The following ZNF596 variants were observed in gnomAD, a reference collection of about 807,000 sequenced individuals.
ZNF596 encodes zinc finger protein 596.
A neutral mutation model predicts 48.3 loss-of-function variants in ZNF596; 45 were observed. The observed-to-expected ratio is 0.93, with a 90% CI of 0.73 to 1.19. The LOEUF (loss-of-function observed/expected upper bound fraction) is 1.19. Among genes scored for constraint, ZNF596 ranks in the 50% most tolerant of loss-of-function variants. The pLI is 0.00. For missense variants in ZNF596, 848 were observed against 599.7 expected (o/e 1.41, Z -4.32); for synonymous variants, 270 against 202.0 (o/e 1.34, Z -2.85).
At chr8:242,518 G>A (rs373839301) in intron 2 of ZNF596, among the ~76,000 whole-genome samples, 15 of 152,054 alleles carry the variant, frequency 9.9e-5, no homozygotes, top group African/African-American at 3.6e-4. Context: ...TATGGATGCT[G>A]CCTCCCTTGT....
chr8:245,597 A>G lies in ZNF596; in HGVS notation c.750A>G (p.Pro250=), dbSNP rs753866528. 11 of 1,614,120 alleles carry G rather than the reference A, an allele frequency of 6.8e-6. No homozygotes were observed. In the South Asian group the frequency reaches 1.1e-4, roughly 16 times the overall value. ...KHERTHTGEK[P]YGCHLCGKAF... ...AGAGAACTCACACTGGAGAGAAGCC[A>G]TATGGATGTCATCTATGTGGGAAAG... The change falls in exon 6 of 6, where the codon CCA becomes CCG. Residue 250 remains proline, a synonymous_variant. Transcript: ENST00000398612.
rs1200934138 is a variant in ZNF596, at chr8:243,020, C to G, written c.139+7C>G. 2 of 1,605,176 alleles carry G rather than the reference C, an allele frequency of 1.2e-6. No homozygotes were observed. Among genetic ancestry groups the G allele is most frequent in the South Asian group, 1.1e-5 (1 of 90,216 alleles). On this transcript the variant is annotated splice_region_variant and intron_variant, in intron 3 of 5. Coordinates refer to ENST00000398612, the MANE Select transcript of ZNF596 (RefSeq NM_001042416.3). ...AGTCATCTGGTCTCTATTGGTGAGT[C>G]TCTTTATATTTATTATGTATGTATA...
chr8:241,750 C>T (rs539026840), intron 2 of ZNF596, among the ~76,000 whole-genome samples: 5 of 152,108 alleles, frequency 3.3e-5, no homozygotes, highest in Middle Eastern at 3.4e-3. Flanking sequence ...ATTTTCACAC[C>T]GCTATAAAAA....
At chr8:239,249 T>A (rs1433643933) in intron 1 of ZNF596, among the ~76,000 whole-genome samples, 1 of 152,124 alleles carries the variant, frequency 6.6e-6, no homozygotes, top group Non-Finnish European at 1.5e-5. Flanking sequence ...AGTGCAGTGG[T>A]TCGATCTCCG....
At chr8:241,696 C>A (rs1796859456) in intron 2 of ZNF596, among the ~76,000 whole-genome samples, 1 of 152,042 alleles carries the variant, frequency 6.6e-6, no homozygotes, top group Admixed American at 6.6e-5. Flanking sequence ...AATCTAGAGA[C>A]AACATGAAGA....
chr8:239,282 A>G (rs1477065818), intron 1 of ZNF596, among the ~76,000 whole-genome samples: 1 of 152,174 alleles, frequency 6.6e-6, no homozygotes, highest in African/African-American at 2.4e-5. Flanking sequence ...TCCACCTCCC[A>G]GGTTCAAGCG....
At chr8:233,104 G>C (rs961088045) in intron 1 of ZNF596, 7 of 468,470 alleles carry the variant, frequency 1.5e-5, no homozygotes, top group Non-Finnish European at 2.6e-5. Context: ...CAACGAGCGA[G>C]AAAAGGGGAG....
At chr8:234,850 G>C (rs946391224) in intron 1 of ZNF596, 2 of 152,204 alleles carry the variant, frequency 1.3e-5, no homozygotes, top group Non-Finnish European at 2.9e-5. Flanking sequence ...CATGGTGTCA[G>C]TGAGGCAAGT....
intron 1 of ZNF596, among the ~76,000 whole-genome samples, chr8:235,516 T>A (rs1796583691): frequency 6.6e-6 from 1 of 152,212 alleles, no homozygotes; most frequent in South Asian, 2.1e-4. Context: ...GACAACTCAT[T>A]GTTATTTCCA....
In ZNF596 at chr8:245,304, T is replaced by C. The variant is rs756611852; in HGVS notation, c.457T>C (p.Ser153Pro). 3.0e-5 allele frequency: 48 copies of C among 1,614,000 alleles called. No homozygotes were observed. The highest frequency in any genetic ancestry group is 3.8e-5 in the Non-Finnish European group (45 of 1,180,028). Reference sequence around the variant, plus strand: ...TGGGAAAATCTTCAGTGACTGGTTATCCTTTAATCAACACAAGGAAATTCA... The same window carrying C: ...TGGGAAAATCTTCAGTGACTGGTTACCCTTTAATCAACACAAGGAAATTCA... ...KFGKIFSDWL[S>P]FNQHKEIHTK... The change falls in exon 6 of 6, where the codon TCC becomes CCC. Residue 153 changes from serine to proline, a missense_variant. Coordinates refer to ENST00000398612, the MANE Select transcript of ZNF596 (RefSeq NM_001042416.3).
At chr8:232,774 G>C (rs896470514) in intron 1 of ZNF596, 80 bp downstream of exon 1, 3 of 428,386 alleles carry the variant, frequency 7.0e-6, no homozygotes, top group Non-Finnish European at 1.4e-5. Context: ...CCTGGGATTC[G>C]GCAGACGCCA....
rs746304311 is a variant in ZNF596, at chr8:245,476, T to C, written c.629T>C (p.Leu210Pro). The C allele has an allele frequency of 1.9e-6, 3 of 1,614,190 alleles. No homozygotes were observed. The highest frequency in any genetic ancestry group is 2.5e-6 in the Non-Finnish European group (3 of 1,180,026). Reference sequence around the variant, plus strand: ...AAAACCTTTAGCAAAAATTCTAATCTTAGGCGACATGAGATGATTCACACT... The same window carrying C: ...AAAACCTTTAGCAAAAATTCTAATCCTAGGCGACATGAGATGATTCACACT... ...CGKTFSKNSN[L>P]RRHEMIHTGE... The change falls in exon 6 of 6, where the codon CTT (leucine) becomes CCT (proline). Residue 210 changes from leucine (L) to proline (P), a missense_variant. Coordinates refer to ENST00000398612, the MANE Select transcript of ZNF596 (RefSeq NM_001042416.3).
intron 2 of ZNF596, among the ~76,000 whole-genome samples, 193 bp downstream of exon 2, chr8:241,100 A>C (rs1796836340): frequency 6.6e-6 from 1 of 152,322 alleles, no homozygotes; most frequent in South Asian, 2.1e-4. Flanking sequence ...ACAGTACACT[A>C]AGGCATTCCA....
rs1233114910 is a variant in ZNF596, at chr8:243,753, C to G, written c.171C>G (p.Ser57=). ...GKQLCKSVVL[S]QLEQVEKLST... ...AGCTCTGCAAATCAGTTGTGCTTTC[C>G]CAATTGGAGCAAGTAGAGAAACTTT... is the stretch of plus-strand genomic sequence containing the variant. The change falls in exon 4 of 6, where the codon TCC becomes TCG. Residue 57 remains serine (S), a synonymous_variant. Coordinates refer to ENST00000398612, the MANE Select transcript of ZNF596 (RefSeq NM_001042416.3). The G allele has an allele frequency of 6.2e-7, 1 of 1,613,598 alleles. No homozygotes were observed. Among genetic ancestry groups the G allele is most frequent in the East Asian group, 2.2e-5 (1 of 44,886 alleles).
chr8:245,086 AAATG>A, intron 5 of ZNF596, 64 bp from the exon 6 acceptor site: 1 of 1,488,482 alleles, frequency 6.7e-7, no homozygotes, highest in African/African-American at 1.4e-5. Context: ...ATATGTAGAG[AAATG>A]AATGAAGTAA....
intron 1 of ZNF596, chr8:240,478 G>C (rs572060256): frequency 1.1e-5 from 2 of 185,116 alleles, no homozygotes; most frequent in African/African-American, 4.7e-5. Flanking sequence ...TTAAATCTGA[G>C]AAATTCCAGG....
Position 245,164 on chromosome 8 carries a change from C to G in ZNF596, c.317C>G (p.Thr106Ser), listed in dbSNP as rs778615779. ...CATTCCCAAAACCAGAGATCTCATA[C>G]TCAAGAGGATCCTTTTCTATGCAAT... ...TSTISTMRSH[T>S]QEDPFLCNDL... is the part of the protein sequence containing the mutation. Residue 106 changes from threonine to serine, a missense_variant, in exon 6 of 6, where the codon ACT becomes AGT. Thr to Ser is a moderately conservative substitution (Grantham distance 58). Transcript: ENST00000398612. The G allele has an allele frequency of 2.5e-6, 4 of 1,587,836 alleles. No individual in the cohort carries two copies. The South Asian group carries it at 3.5e-5, about 14-fold the overall frequency.
chr8:232,975 C>G (rs1183170839), intron 1 of ZNF596: 4 of 468,746 alleles, frequency 8.5e-6, no homozygotes, highest in South Asian at 6.2e-5. Flanking sequence ...TGGGTGTTTA[C>G]CTTCCCGGTG....
At position 245,239 on chromosome 8, in the gene ZNF596, T is replaced by C. The variant is rs750941271; in HGVS notation, c.392T>C (p.Ile131Thr). 1.7e-5 allele frequency: 27 copies of C among 1,613,920 alleles called. No individual in the cohort carries two copies. Among genetic ancestry groups the C allele is most frequent in the Non-Finnish European group, 1.9e-5 (22 of 1,179,984 alleles). Residue 131 changes from isoleucine to threonine, a missense_variant, in exon 6 of 6, where the codon ATT becomes ACT. Coordinates refer to ENST00000398612, the MANE Select transcript of ZNF596 (RefSeq NM_001042416.3). ...CATATAGCATTGACTCAAAATGTGA[T>C]TACCTACATGAGAACGAAACACTTT... is the stretch of plus-strand genomic sequence containing the variant. ...TQHIALTQNV[I>T]TYMRTKHFVS...
Sources: allele counts gnomAD v4.1 joint callset (sites outside exome capture counted in the v4.1 genomes callset), GRCh38; gene constraint gnomAD v4.1.1; transcripts MANE v1.5; gene names NCBI Gene and HGNC (gene_info 2026-07-23, HGNC 2026-07-21).